LGSN: variants seen among roughly 807,000 people sequenced by gnomAD.
The protein encoded by LGSN is lengsin.
A neutral mutation model predicts 19.5 loss-of-function variants in LGSN; 21 were observed. That is an observed-to-expected ratio of 1.07 (90% confidence interval 0.76 to 1.55). The LOEUF (loss-of-function observed/expected upper bound fraction) is 1.55. LGSN is among the 40% of genes most tolerant of loss of function. LGSN has a pLI of 0.00. For missense variants in LGSN, 673 were observed against 608.5 expected (o/e 1.11, Z -1.12); for synonymous variants, 257 against 215.6 (o/e 1.19, Z -1.68).
the LGSN span, among the ~76,000 whole-genome samples, chr6:63,380,762 GT>G: frequency 1.5e-4 from 23 of 151,990 alleles, no homozygotes; most frequent in African/African-American, 4.8e-4. Context: ...TTATATGCAT[GT>G]TTTTGCTTTG....
chr6:63,525,627 C>T, the LGSN span, among the ~76,000 whole-genome samples: 1 of 152,198 alleles, frequency 6.6e-6, no homozygotes, highest in Non-Finnish European at 1.5e-5. Context: ...AGGCAGCTTC[C>T]TCACCTCAGA....
the LGSN span, among the ~76,000 whole-genome samples, chr6:63,514,143 C>A: frequency 2.6e-5 from 4 of 152,168 alleles, no homozygotes; most frequent in East Asian, 1.9e-4. Flanking sequence ...TGCAAAGAAC[C>A]AAAGGCACAC....
At chr6:63,380,866 G>C in the LGSN span, among the ~76,000 whole-genome samples, 1 of 152,060 alleles carries the variant, frequency 6.6e-6, no homozygotes, top group Non-Finnish European at 1.5e-5. Context: ...GAAAGTTCAG[G>C]AAATTTTTTT....
At chr6:63,357,488 C>T in the LGSN span, among the ~76,000 whole-genome samples, 1 of 152,224 alleles carries the variant, frequency 6.6e-6, no homozygotes, top group Non-Finnish European at 1.5e-5. Flanking sequence ...TCCTCTCCAG[C>T]ACCTGTTGTT....
the LGSN span, among the ~76,000 whole-genome samples, chr6:63,494,349 T>A: frequency 6.6e-6 from 1 of 152,088 alleles, no homozygotes; most frequent in Non-Finnish European, 1.5e-5. Flanking sequence ...TCACTCTTAA[T>A]ATAAAATATA....
the LGSN span, among the ~76,000 whole-genome samples, chr6:63,368,721 A>G: frequency 6.6e-6 from 1 of 152,056 alleles, no homozygotes; most frequent in South Asian, 2.1e-4. Context: ...GTTTCCTCCT[A>G]CCAGAATGTA....
At chr6:63,559,700 G>C in the LGSN span, among the ~76,000 whole-genome samples, 1 of 151,528 alleles carries the variant, frequency 6.6e-6, no homozygotes, top group Non-Finnish European at 1.5e-5. Context: ...AGCCAAGATC[G>C]CGCCACTGCA....
At chr6:63,320,114 A>T, upstream of LGSN, 1 of 603,288 alleles carries the variant, frequency 1.7e-6, no homozygotes, top group Admixed American at 3.0e-5. Context: ...CTGATGTGTC[A>T]TGCCCAAGGC....
chr6:63,399,203 T>C, the LGSN span, among the ~76,000 whole-genome samples: 1 of 152,150 alleles, frequency 6.6e-6, no homozygotes, highest in Non-Finnish European at 1.5e-5. Flanking sequence ...GCCTACAGTA[T>C]TCAGTACAGT....
intron 2 of LGSN, among the ~76,000 whole-genome samples, chr6:63,291,097 G>A (rs1454956788): frequency 6.6e-6 from 1 of 152,216 alleles, no homozygotes; most frequent in African/African-American, 2.4e-5. Context: ...GCATGCAACA[G>A]GGACATGACT....
At chr6:63,473,099 G>A in the LGSN span, among the ~76,000 whole-genome samples, 2 of 151,886 alleles carry the variant, frequency 1.3e-5, no homozygotes, top group African/African-American at 2.4e-5. Context: ...CCAATTAACT[G>A]AGCTCAAGGA....
the LGSN span, chr6:63,396,216 G>A: frequency 6.3e-6 from 1 of 158,588 alleles, no homozygotes; most frequent in Admixed American, 6.5e-5. Flanking sequence ...GATGGCAAAG[G>A]GGTTGGCAAG....
the LGSN span, among the ~76,000 whole-genome samples, chr6:63,328,139 G>A: frequency 6.6e-6 from 1 of 152,192 alleles, no homozygotes; most frequent in African/African-American, 2.4e-5. Context: ...ACTGGTCCCT[G>A]GGGGAAGAGG....
the LGSN span, among the ~76,000 whole-genome samples, chr6:63,473,131 G>C: frequency 6.6e-6 from 1 of 151,804 alleles, no homozygotes; most frequent in Non-Finnish European, 1.5e-5. Flanking sequence ...TTGACATACT[G>C]TCCTGGACTC....
At chr6:63,543,693 T>G in the LGSN span, among the ~76,000 whole-genome samples, 12 of 152,164 alleles carry the variant, frequency 7.9e-5, no homozygotes, top group African/African-American at 2.7e-4. Flanking sequence ...ATTTGAGAAA[T>G]AAACCCTAAT....
chr6:63,475,132 G>T, the LGSN span, among the ~76,000 whole-genome samples: 1 of 151,954 alleles, frequency 6.6e-6, no homozygotes, highest in Non-Finnish European at 1.5e-5. Flanking sequence ...GTATCAAAAA[G>T]GATTTGTTTT....
the LGSN span, among the ~76,000 whole-genome samples, chr6:63,561,397 T>G: frequency 6.6e-6 from 1 of 152,188 alleles, no homozygotes; most frequent in Non-Finnish European, 1.5e-5. Context: ...TAATAAGGTA[T>G]ATTTCTACAA....
chr6:63,544,733 T>C, the LGSN span, among the ~76,000 whole-genome samples: 1 of 152,176 alleles, frequency 6.6e-6, no homozygotes, highest in Non-Finnish European at 1.5e-5. Context: ...CATGATTAGA[T>C]TCAGGATACA....
At chr6:63,534,714 G>A in the LGSN span, among the ~76,000 whole-genome samples, 5 of 150,956 alleles carry the variant, frequency 3.3e-5, no homozygotes, top group African/African-American at 9.9e-5. Flanking sequence ...TTGGGAGGCT[G>A]AGGCAGGTGG....
Sources: gnomAD v4.1 joint callset for allele counts (sites outside exome capture counted in the v4.1 genomes callset) on GRCh38, gnomAD v4.1.1 for gene constraint, MANE v1.5 for transcripts, NCBI Gene and HGNC (gene_info 2026-07-23, HGNC 2026-07-21) for gene names.